Variants in TMEM117 observed in about 807,000 individuals in gnomAD.
The protein encoded by TMEM117 is transmembrane protein 117.
TMEM117 carries 27 observed loss-of-function variants against 52.4 expected under a neutral mutation model. The ratio of observed to expected loss-of-function variants is 0.51; its 90% CI spans 0.38 to 0.71. The LOEUF is 0.71. TMEM117 is among the 30% of genes least tolerant of loss of function. The pLI is 0.00. For synonymous variants in TMEM117, 215 were observed against 206.3 expected, an observed-to-expected ratio of 1.04 and a Z score of -0.36; for missense variants, 556 against 630.5, an observed-to-expected ratio of 0.88 and a Z score of 1.26.
intron 4 of TMEM117, among the ~76,000 whole-genome samples, chr12:44,198,431 T>A (rs1261951559): frequency 6.6e-6 from 1 of 152,128 alleles, no homozygotes; most frequent in East Asian, 1.9e-4. Context: ...TATTGCCTAT[T>A]CCATAAGAAA....
rs181614123 is a variant in TMEM117 at position 44,166,896 on chromosome 12, A to T, written c.510+23272A>T. 4.6e-5 allele frequency among the ~76,000 whole-genome samples: 7 copies of T among 152,330 alleles called. No homozygotes were observed. The East Asian group carries it at 1.3e-3, about 29-fold the overall frequency. ...AATATACCAGTCTCTCAAAATTTAA[A>T]ACCTATAATTTTTGGTTCCACACTA... On this transcript the variant is annotated intron_variant, in intron 4 of 7. Coordinates refer to ENST00000266534, the MANE Select transcript of TMEM117 (RefSeq NM_032256.3).
At chr12:44,295,461 G>C (rs1365726672) in intron 5 of TMEM117, among the ~76,000 whole-genome samples, 1 of 152,028 alleles carries the variant, frequency 6.6e-6, no homozygotes, top group East Asian at 1.9e-4. Context: ...CACCTGCCTT[G>C]GCCTCCCAAA....
chr12:44,279,779 GC>G (rs1187057608), intron 5 of TMEM117, among the ~76,000 whole-genome samples: 1 of 152,132 alleles, frequency 6.6e-6, no homozygotes, highest in Non-Finnish European at 1.5e-5. Flanking sequence ...CTCCCAAAGT[GC>G]TGGGATTACA....
At chr12:44,097,089 A>G (rs191413125) in intron 3 of TMEM117, among the ~76,000 whole-genome samples, 7 of 152,370 alleles carry the variant, frequency 4.6e-5, no homozygotes, top group Admixed American at 3.3e-4. Flanking sequence ...GAAGACATTT[A>G]TGCAGCCAAA....
At chr12:44,143,978 A>G (rs1191734596) in intron 4 of TMEM117, among the ~76,000 whole-genome samples, 1 of 152,202 alleles carries the variant, frequency 6.6e-6, no homozygotes, top group Non-Finnish European at 1.5e-5. Context: ...GTTTGTCTAA[A>G]TAATTTTGGC....
At chr12:44,289,550 C>CTTTTTTTTTTTT (rs60675070) in intron 5 of TMEM117, among the ~76,000 whole-genome samples, 4 of 121,964 alleles carry the variant, frequency 3.3e-5, no homozygotes, top group African/African-American at 3.4e-5. Flanking sequence ...TTTCTTTTCT[C>CTTTTTTTTTTTT]TTTTTTTTTT....
At chr12:43,800,925 T>G in the TMEM117 span, among the ~76,000 whole-genome samples, 13 of 152,270 alleles carry the variant, frequency 8.5e-5, no homozygotes, top group East Asian at 2.5e-3. Context: ...TAATTTTTTC[T>G]ATTTTTAGTA....
chr12:43,952,234 C>T (rs898577639), intron 3 of TMEM117, among the ~76,000 whole-genome samples: 2 of 152,114 alleles, frequency 1.3e-5, no homozygotes, highest in Non-Finnish European at 2.9e-5. Context: ...GCCTCTTTTC[C>T]TCCAAATGAT....
At chr12:44,015,365 T>C (rs1946358234) in intron 3 of TMEM117, among the ~76,000 whole-genome samples, 1 of 152,196 alleles carries the variant, frequency 6.6e-6, no homozygotes, top group South Asian at 2.1e-4. Flanking sequence ...GATTTTTGAA[T>C]ATATATATCT....
At chr12:44,041,531 G>A (rs1946798342) in intron 3 of TMEM117, among the ~76,000 whole-genome samples, 1 of 151,922 alleles carries the variant, frequency 6.6e-6, no homozygotes, top group Non-Finnish European at 1.5e-5. Context: ...TTTGTTACAT[G>A]GATAAACCGC....
At chr12:44,354,885 A>C (rs1951622868) in intron 6 of TMEM117, among the ~76,000 whole-genome samples, 1 of 152,068 alleles carries the variant, frequency 6.6e-6, no homozygotes, top group Non-Finnish European at 1.5e-5. Flanking sequence ...TAAACTATAA[A>C]GACATTAGTC....
intron 5 of TMEM117, among the ~76,000 whole-genome samples, chr12:44,255,456 A>G (rs1007687054): frequency 3.3e-5 from 5 of 152,190 alleles, no homozygotes; most frequent in Non-Finnish European, 5.9e-5. Context: ...TAATACTGAC[A>G]TATAACACTG....
chr12:43,932,553 C>T (rs1451444975), intron 2 of TMEM117, among the ~76,000 whole-genome samples: 1 of 152,116 alleles, frequency 6.6e-6, no homozygotes, highest in East Asian at 1.9e-4. Context: ...CCTTAAAGTA[C>T]ATCAAAAGAG....
At chr12:44,071,848 G>A (rs1947307077) in intron 3 of TMEM117, among the ~76,000 whole-genome samples, 1 of 152,148 alleles carries the variant, frequency 6.6e-6, no homozygotes, top group African/African-American at 2.4e-5. Context: ...ATTCATCTAA[G>A]GAGTGTTATG....
intron 3 of TMEM117, among the ~76,000 whole-genome samples, chr12:44,114,194 G>T (rs918374028): frequency 6.6e-6 from 1 of 152,002 alleles, no homozygotes; most frequent in African/African-American, 2.4e-5. Context: ...GGGAGCTGTA[G>T]ACCGGAGCTG....
At chr12:43,806,140 C>A in the TMEM117 span, 1 of 1,530,130 alleles carries the variant, frequency 6.5e-7, no homozygotes, top group South Asian at 1.2e-5. Context: ...CCGACTCCAG[C>A]CCTGCCGGTC....
intron 3 of TMEM117, among the ~76,000 whole-genome samples, chr12:43,989,965 A>G (rs1294547774): frequency 3.3e-5 from 5 of 152,090 alleles, no homozygotes; most frequent in African/African-American, 1.2e-4. Context: ...CAGTGACTGT[A>G]TTATCTACTA....
chr12:43,824,502 T>TA, the TMEM117 span, among the ~76,000 whole-genome samples: 14 of 152,272 alleles, frequency 9.2e-5, no homozygotes, highest in East Asian at 2.7e-3. Flanking sequence ...TAGGAGAGGA[T>TA]AAAACCAGCA....
the TMEM117 span, among the ~76,000 whole-genome samples, chr12:43,810,743 GC>G: frequency 3.3e-5 from 5 of 152,194 alleles, no homozygotes; most frequent in African/African-American, 1.2e-4. Flanking sequence ...CTTTGGAGCT[GC>G]CTGAAAATCA....
Sources: allele counts gnomAD v4.1 joint callset (sites outside exome capture counted in the v4.1 genomes callset), GRCh38; gene constraint gnomAD v4.1.1; transcripts MANE v1.5; gene names NCBI Gene and HGNC (gene_info 2026-07-23, HGNC 2026-07-21).